The following ZNF365 variants were observed in gnomAD, a reference collection of about 807,000 sequenced individuals.
ZNF365 encodes zinc finger protein 365, also known as protein ZNF365.
ZNF365 carries 22 observed loss-of-function variants against 35.0 expected under a neutral mutation model. The ratio of observed to expected loss-of-function variants is 0.63; its 90% CI spans 0.45 to 0.90. ZNF365 has a LOEUF of 0.90. Among genes scored for constraint, ZNF365 ranks in the 40% least tolerant of loss-of-function variants. ZNF365 has a pLI of 0.00. For synonymous variants in ZNF365, 188 were observed against 196.2 expected, an observed-to-expected ratio of 0.96 and a Z score of 0.35; for missense variants, 448 against 500.3, an observed-to-expected ratio of 0.90 and a Z score of 1.00.
At chr10:62,479,310 T>C (rs1841183322) in intron 4 of ZNF365, among the ~76,000 whole-genome samples, 1 of 152,200 alleles carries the variant, frequency 6.6e-6, no homozygotes, top group South Asian at 2.1e-4. Context: ...TAATTACTCT[T>C]AATTTTAGAG....
intron 4 of ZNF365, among the ~76,000 whole-genome samples, chr10:62,464,828 T>TGTGATG (rs1034189600): frequency 7.2e-5 from 11 of 152,280 alleles, no homozygotes; most frequent in South Asian, 4.1e-4. Context: ...ACATAATCTA[T>TGTGATG]GTGATGGTGA....
intron 4 of ZNF365, among the ~76,000 whole-genome samples, chr10:62,473,315 GT>G (rs1229621687): frequency 6.6e-6 from 1 of 152,208 alleles, no homozygotes; most frequent in Non-Finnish European, 1.5e-5. Flanking sequence ...CCTGGGCAAA[GT>G]TGGGGAGATT....
At chr10:62,418,817 A>G (rs972563568) in intron 3 of ZNF365, among the ~76,000 whole-genome samples, 1 of 152,116 alleles carries the variant, frequency 6.6e-6, no homozygotes, top group African/African-American at 2.4e-5. Context: ...AGGCAGATAA[A>G]GCCTAGAAGA....
At chr10:62,374,649 C>T (rs1009222219) in intron 1 of ZNF365, among the ~76,000 whole-genome samples, 191 bp downstream of exon 1, 2 of 152,136 alleles carry the variant, frequency 1.3e-5, no homozygotes, top group Non-Finnish European at 2.9e-5. Context: ...TGGCACGCAG[C>T]GGAGAGGGGG....
chr10:62,461,158 A>C (rs963088092), intron 4 of ZNF365, among the ~76,000 whole-genome samples: 1 of 152,186 alleles, frequency 6.6e-6, no homozygotes, highest in Non-Finnish European at 1.5e-5. Flanking sequence ...ATCCTCCCAG[A>C]AATATGAGCG....
intron 4 of ZNF365, among the ~76,000 whole-genome samples, chr10:62,461,781 C>A (rs1564598981): frequency 2.0e-5 from 3 of 152,038 alleles, no homozygotes; most frequent in African/African-American, 7.2e-5. Flanking sequence ...CTAAAGAACA[C>A]AAAAGGGAAA....
At chr10:62,434,620 C>T (rs989210053) in intron 3 of ZNF365, among the ~76,000 whole-genome samples, 3 of 152,094 alleles carry the variant, frequency 2.0e-5, no homozygotes, top group Non-Finnish European at 2.9e-5. Context: ...GAAGACTGCA[C>T]GGAACCGGCT....
chr10:62,439,808 G>T (rs1296673309), intron 3 of ZNF365, among the ~76,000 whole-genome samples: 1 of 151,974 alleles, frequency 6.6e-6, no homozygotes, highest in African/African-American at 2.4e-5. Context: ...CTAATAATTT[G>T]GTGTACTGTT....
At chr10:62,429,642 C>T (rs530538696) in intron 3 of ZNF365, among the ~76,000 whole-genome samples, 1 of 152,300 alleles carries the variant, frequency 6.6e-6, no homozygotes, top group African/African-American at 2.4e-5. Flanking sequence ...TTATTGGGAA[C>T]ATAGTACCAC....
At chr10:62,388,791 C>T (rs1360954215) in intron 3 of ZNF365, among the ~76,000 whole-genome samples, 1 of 152,124 alleles carries the variant, frequency 6.6e-6, no homozygotes, top group Non-Finnish European at 1.5e-5. Context: ...TTCAGTCGCT[C>T]TTCACCCTCC....
At chr10:62,389,092 G>A (rs1335990543) in intron 3 of ZNF365, among the ~76,000 whole-genome samples, 1 of 152,178 alleles carries the variant, frequency 6.6e-6, no homozygotes, top group Non-Finnish European at 1.5e-5. Flanking sequence ...ACAAGTGATA[G>A]TTCTAGGGTA....
chr10:62,470,614 A>G (rs1018266332), intron 4 of ZNF365, among the ~76,000 whole-genome samples: 1 of 152,228 alleles, frequency 6.6e-6, no homozygotes, highest in African/African-American at 2.4e-5. Context: ...GACCCACAGA[A>G]AGGTTGTTAG....
chr10:62,401,681 TAC>T lies in ZNF365; in HGVS notation c.*1893_*1894del, dbSNP rs1839832083. 17 of 985,468 alleles carry T rather than the reference TAC, an allele frequency of 1.7e-5. No homozygotes were observed. Among genetic ancestry groups the T allele is most frequent in the Middle Eastern group, 1.0e-3 (2 of 1,936 alleles). The allele number at this position is 985,468 out of a possible 1,614,324, so 61.0% of individuals were successfully genotyped here. A position where few individuals can be genotyped will look rare whatever the true frequency, so the allele number is the denominator to read the frequency against. ...CATGATTGCACCTTAGCCTTTTACATACTAAAAACATGACTTGTTAGTTGTAT... is the reference window on the plus strand; with the variant it reads ...CATGATTGCACCTTAGCCTTTTACATTAAAAACATGACTTGTTAGTTGTAT... On this transcript the variant is annotated 3_prime_UTR_variant, in exon 5 of 5. Transcript: ENST00000395254.
intron 3 of ZNF365, among the ~76,000 whole-genome samples, chr10:62,420,039 C>G (rs949558679): frequency 2.0e-5 from 3 of 151,870 alleles, no homozygotes; most frequent in Non-Finnish European, 4.4e-5. Flanking sequence ...TATATTTCTC[C>G]TTTAAAATCT....
In ZNF365 at chr10:62,393,577, C is replaced by G. The variant is rs562464479; in HGVS notation, c.924+5001C>G. On this transcript the variant is annotated intron_variant, in intron 3 of 4. Transcript: ENST00000395254. ...TACATGACTGTGTATATGTGTGTGC[C>G]ACACACAAATGTACATATACATGTA... 4.6e-5 allele frequency among the ~76,000 whole-genome samples: 7 copies of G among 152,230 alleles called. No homozygotes were observed. The South Asian group carries it at 1.5e-3, about 32-fold the overall frequency.
intron 4 of ZNF365, among the ~76,000 whole-genome samples, chr10:62,461,776 G>T (rs886092712): frequency 6.6e-6 from 1 of 152,034 alleles, no homozygotes; most frequent in Non-Finnish European, 1.5e-5. Context: ...TGAAGCTAAA[G>T]AACACAAAAG....
rs1045848351 is a variant in ZNF365 at position 62,399,984 on chromosome 10, C to T, written c.*195C>T. 8 of 1,344,902 alleles carry T rather than the reference C, an allele frequency of 5.9e-6. No homozygotes were observed. The highest frequency in any genetic ancestry group is 5.7e-6 in the Non-Finnish European group (6 of 1,049,780). 83.3% of individuals were successfully genotyped at this position (1,344,902 alleles called of 1,614,324 possible). Reference sequence around the variant, plus strand: ...AGTGAACCAGAATTTTATTATAACCCCCTTTTAGAAGCTTGCAAATTACAG... The same window carrying T: ...AGTGAACCAGAATTTTATTATAACCTCCTTTTAGAAGCTTGCAAATTACAG... On this transcript the variant is annotated 3_prime_UTR_variant, in exon 5 of 5. Coordinates refer to ENST00000395254, the MANE Select transcript of ZNF365 (RefSeq NM_014951.3).
At chr10:62,416,541 T>C (rs555236583) in intron 3 of ZNF365, among the ~76,000 whole-genome samples, 1 of 152,240 alleles carries the variant, frequency 6.6e-6, no homozygotes, top group African/African-American at 2.4e-5. Flanking sequence ...ATTAAAGATG[T>C]TTGAAAGGTC....
intron 3 of ZNF365, among the ~76,000 whole-genome samples, chr10:62,433,601 A>G (rs984295632): frequency 6.6e-6 from 1 of 152,200 alleles, no homozygotes; most frequent in African/African-American, 2.4e-5. Context: ...GTGATACTTG[A>G]TGACGATCCA....
Sources: gnomAD v4.1 joint callset for allele counts (sites outside exome capture counted in the v4.1 genomes callset) on GRCh38, gnomAD v4.1.1 for gene constraint, MANE v1.5 for transcripts, NCBI Gene and HGNC (gene_info 2026-07-23, HGNC 2026-07-21) for gene names.